Variants in ZNF33B observed in about 807,000 individuals in gnomAD.
ZNF33B encodes zinc finger protein 33B.
Under a neutral mutation model 45.8 loss-of-function variants are expected in ZNF33B, and 29 were observed. That is an observed-to-expected ratio of 0.63 (90% CI 0.47 to 0.86). The LOEUF (loss-of-function observed/expected upper bound fraction) is 0.86. Ranked by LOEUF, ZNF33B falls within the 40% of genes least tolerant of loss-of-function variation. ZNF33B has a pLI of 0.00. For missense variants in ZNF33B, 831 were observed against 909.9 expected (o/e 0.91, Z 1.12); for synonymous variants, 305 against 307.8 (o/e 0.99, Z 0.10).
At chr10:42,575,977 C>T (rs545249843) in intron 1 of ZNF33B, among the ~76,000 whole-genome samples, 99 of 152,006 alleles carry the variant, frequency 6.5e-4, no homozygotes, top group African/African-American at 2.2e-3. Flanking sequence ...ATGCAACTTC[C>T]GCCTCCGGGT....
Position 42,592,924 on chromosome 10 carries a change from C to T in ZNF33B, c.2026G>A (p.Val676Met), listed in dbSNP as rs757310385. The change falls in exon 5 of 5, where the codon GTG becomes ATG. Residue 676 changes from valine (V) to methionine (M), a missense_variant. Transcript: ENST00000359467. Reference sequence around the variant, plus strand: ...TCATGTAAAATAAGTCCTGACTTCACACAGAAAGATTTTCCACATTCGTTA... The same window carrying T: ...TCATGTAAAATAAGTCCTGACTTCATACAGAAAGATTTTCCACATTCGTTA... The part of the protein sequence containing the change: ...KCNECGKSFC[V>M]KSGLILHERK... The T allele has an allele frequency of 6.2e-7, 1 of 1,611,222 alleles. No homozygotes were observed. The highest frequency in any genetic ancestry group is 1.1e-5 in the South Asian group (1 of 90,920).
intron 1 of ZNF33B, among the ~76,000 whole-genome samples, chr10:42,578,149 C>A (rs1229013930): frequency 2.0e-5 from 3 of 152,180 alleles, no homozygotes; most frequent in Non-Finnish European, 2.9e-5. Context: ...CTCCCTGGGA[C>A]CCTGCAGAGC....
chr10:42,626,940 C>T (rs1212147109), intron 4 of ZNF33B, among the ~76,000 whole-genome samples: 1 of 151,892 alleles, frequency 6.6e-6, no homozygotes, highest in Non-Finnish European at 1.5e-5. Context: ...ATCTATATCA[C>T]CCTAATTGAG....
intron 1 of ZNF33B, among the ~76,000 whole-genome samples, chr10:42,579,035 C>T (rs1836786345): frequency 1.3e-5 from 2 of 152,134 alleles, no homozygotes; most frequent in African/African-American, 4.8e-5. Context: ...CAGATCTTGA[C>T]ACCCCTGCTG....
In ZNF33B at chr10:42,594,711, C is replaced by G; in HGVS notation, c.251-12G>C. On this transcript the variant is annotated splice_polypyrimidine_tract_variant and intron_variant, in intron 4 of 4. Coordinates refer to ENST00000359467, the MANE Select transcript of ZNF33B (RefSeq NM_006955.3). Reference sequence around the variant, plus strand: ...AGCTGTCCAGACTTCTACAAACAAACAAAATTAATCTTACCATATAAATAC... The same window carrying G: ...AGCTGTCCAGACTTCTACAAACAAAGAAAATTAATCTTACCATATAAATAC... 1 of 1,536,350 alleles carries G rather than the reference C, an allele frequency of 6.5e-7. No homozygotes were observed. Among genetic ancestry groups the G allele is most frequent in the Non-Finnish European group, 8.7e-7 (1 of 1,149,078 alleles).
chr10:42,620,452 GAGTGC>G (rs1838523812), intron 4 of ZNF33B, among the ~76,000 whole-genome samples: 1 of 152,000 alleles, frequency 6.6e-6, no homozygotes, highest in South Asian at 2.1e-4. Flanking sequence ...ACCCAGGCTG[GAGTGC>G]AGTGACACAA....
At chr10:42,582,818 C>CACTCCAAGGACA (rs1303534694) in intron 1 of ZNF33B, 3 of 257,018 alleles carry the variant, frequency 1.2e-5, no homozygotes, top group African/African-American at 6.6e-5. Flanking sequence ...ACACGAGAAG[C>CACTCCAAGGACA]CTCAGCCCTG....
Position 42,616,671 on chromosome 10 carries a change from T to C in ZNF33B, c.250+15258A>G, listed in dbSNP as rs189997180. Among the ~76,000 whole-genome samples the C allele has an allele frequency of 2.0e-4, 30 of 152,260 alleles. No individual in the cohort carries two copies. In the East Asian group the frequency reaches 5.2e-3, roughly 26 times the overall value. ...AAGTGTGCTATGATTTTTCAACAAATAGTGTACAATATGTTTTTGTCCATT... is the reference window on the plus strand; with the variant it reads ...AAGTGTGCTATGATTTTTCAACAAACAGTGTACAATATGTTTTTGTCCATT... On this transcript the variant is annotated intron_variant, in intron 4 of 4. Transcript: ENST00000359467.
At chr10:42,625,253 T>A (rs529022759) in intron 4 of ZNF33B, among the ~76,000 whole-genome samples, 9 of 152,232 alleles carry the variant, frequency 5.9e-5, no homozygotes, top group Admixed American at 3.3e-4. Context: ...CTTTTATTTC[T>A]TTCATCAGAA....
chr10:42,622,624 C>T (rs185004653), intron 4 of ZNF33B, among the ~76,000 whole-genome samples: 2 of 152,210 alleles, frequency 1.3e-5, no homozygotes, highest in Non-Finnish European at 1.5e-5. Context: ...AATATTGTCA[C>T]GCTACTGACA....
At chr10:42,580,169 T>C (rs115539835) in intron 1 of ZNF33B, among the ~76,000 whole-genome samples, 251 of 152,286 alleles carry the variant, frequency 1.6e-3, no homozygotes, top group African/African-American at 5.9e-3. Flanking sequence ...GCTCAGATAA[T>C]AGGTAATATT....
intron 2 of ZNF33B, among the ~76,000 whole-genome samples, chr10:42,636,547 C>A (rs1473341355): frequency 6.6e-6 from 1 of 152,228 alleles, no homozygotes; most frequent in African/African-American, 2.4e-5. Context: ...CTTGGCCAGG[C>A]ACGGTGGCTC....
At chr10:42,630,877 C>T (rs1014495395) in intron 4 of ZNF33B, among the ~76,000 whole-genome samples, 3 of 152,194 alleles carry the variant, frequency 2.0e-5, no homozygotes, top group African/African-American at 7.2e-5. Context: ...TCCCTCACCT[C>T]ACCTCCTGCC....
At chr10:42,580,730 C>A (rs1398914152) in intron 1 of ZNF33B, among the ~76,000 whole-genome samples, 2 of 151,152 alleles carry the variant, frequency 1.3e-5, no homozygotes, top group Non-Finnish European at 3.0e-5. Context: ...ACCAGCCTGG[C>A]CAAGATGGTG....
Position 42,631,987 on chromosome 10 carries a change from C to T in ZNF33B, c.192G>A (p.Leu64=), listed in dbSNP as rs1169683437. 1.2e-6 allele frequency: 2 copies of T among 1,614,100 alleles called. No individual in the cohort carries two copies. The highest frequency in any genetic ancestry group is 1.7e-6 in the Non-Finnish European group (2 of 1,180,020). The change falls in exon 4 of 5, where the codon CTG becomes CTA. Residue 64 remains leucine (L), a synonymous_variant. Coordinates refer to ENST00000359467, the MANE Select transcript of ZNF33B (RefSeq NM_006955.3). ...CAHKPEVIFR[L]EQGEEPWRLE... ...GTCTCCATGGTTCTTCTCCTTGTTCCAGCCTGAAGATCACCTCTGGTTTGT... is the reference window on the plus strand; with the variant it reads ...GTCTCCATGGTTCTTCTCCTTGTTCTAGCCTGAAGATCACCTCTGGTTTGT...
At chr10:42,617,103 T>TC (rs1462548068) in intron 4 of ZNF33B, among the ~76,000 whole-genome samples, 1 of 121,258 alleles carries the variant, frequency 8.2e-6, no homozygotes, top group Non-Finnish European at 1.7e-5. Context: ...TTTTTTTTTT[T>TC]TTTTTTTTTT....
At chr10:42,598,696 ATT>A (rs1837498483) in intron 4 of ZNF33B, among the ~76,000 whole-genome samples, 2 of 152,238 alleles carry the variant, frequency 1.3e-5, no homozygotes, top group African/African-American at 4.8e-5. Context: ...GATACAGGGA[ATT>A]ACACTGACTG....
intron 1 of ZNF33B, among the ~76,000 whole-genome samples, chr10:42,576,985 T>C (rs2132010729): frequency 6.6e-6 from 1 of 152,026 alleles, no homozygotes; most frequent in East Asian, 1.9e-4. Context: ...ATACAAAAAC[T>C]AGCCAGCTGT....
Position 42,594,119 on chromosome 10 carries a change from A to G in ZNF33B, c.831T>C (p.Phe277=). The G allele has an allele frequency of 6.2e-7, 1 of 1,614,014 alleles. No homozygotes were observed. Among genetic ancestry groups the G allele is most frequent in the Non-Finnish European group, 8.5e-7 (1 of 1,179,948 alleles). The change falls in exon 5 of 5, where the codon TTT becomes TTC. Residue 277 remains phenylalanine (F), a synonymous_variant. Coordinates refer to ENST00000359467, the MANE Select transcript of ZNF33B (RefSeq NM_006955.3). ...CACATAAGAACTTCTCACAATCACT[A>G]AATTCATAGTGACTGTCCTTTGATG... ...IPPSKDSHYE[F]SDCEKFLCVK...
Sources: gnomAD v4.1 joint callset for allele counts (sites outside exome capture counted in the v4.1 genomes callset) on GRCh38, gnomAD v4.1.1 for gene constraint, MANE v1.5 for transcripts, NCBI Gene and HGNC (gene_info 2026-07-23, HGNC 2026-07-21) for gene names.